MKX: variants seen among roughly 807,000 people sequenced by gnomAD.
The protein encoded by MKX is mohawk homeobox.
A neutral mutation model predicts 36.0 loss-of-function variants in MKX; 13 were observed. The ratio of observed to expected loss-of-function variants is 0.36; its 90% CI spans 0.24 to 0.57. The LOEUF is 0.57. MKX is among the 20% of genes least tolerant of loss of function. MKX has a pLI of 0.79. For missense variants in MKX, 458 were observed against 456.4 expected, an observed-to-expected ratio of 1.00 and a Z score of -0.03; for synonymous variants, 176 against 178.3, an observed-to-expected ratio of 0.99 and a Z score of 0.10.
At chr10:27,723,882 A>G (rs1834431636) in intron 5 of MKX, among the ~76,000 whole-genome samples, 1 of 152,144 alleles carries the variant, frequency 6.6e-6, no homozygotes, top group Non-Finnish European at 1.5e-5. Flanking sequence ...GTTCACCATC[A>G]CCTGAGACTG....
intron 5 of MKX, among the ~76,000 whole-genome samples, chr10:27,690,094 C>T (rs974646810): frequency 3.3e-5 from 5 of 152,168 alleles, no homozygotes; most frequent in Non-Finnish European, 7.4e-5. Flanking sequence ...ACAAGTCAGC[C>T]GGGTGTGGCG....
chr10:27,698,317 A>G (rs984709090), intron 5 of MKX, among the ~76,000 whole-genome samples: 2 of 152,148 alleles, frequency 1.3e-5, no homozygotes, highest in African/African-American at 4.8e-5. Flanking sequence ...TAATAGGATC[A>G]GATTTGGATG....
chr10:27,692,958 C>T (rs1836482002), intron 5 of MKX, among the ~76,000 whole-genome samples: 1 of 152,216 alleles, frequency 6.6e-6, no homozygotes, highest in Non-Finnish European at 1.5e-5. Flanking sequence ...ACCAAAACGA[C>T]TGAGGCAGAG....
rs552069572 is a variant in MKX, at chr10:27,686,517, C to T, written c.839-10963G>A. 6.2e-4 allele frequency among the ~76,000 whole-genome samples: 95 copies of T among 152,116 alleles called. 1 individual carries two copies. The highest frequency in any genetic ancestry group is 2.2e-3 in the African/African-American group (92 of 41,404). ...CTTCTGAGACAGTCTTGTTCTGTCA[C>T]CCAGGCTGGAGTGCAGTGGTGTGAT... On this transcript the variant is annotated intron_variant, in intron 5 of 6. Transcript: ENST00000419761.
chr10:27,715,018 A>C lies in MKX; in HGVS notation c.838+19438T>G, dbSNP rs549124354. ...CCTTTGGCATTCTGAGGCCACTCAG[A>C]TCTTTAGGCCATAGGAAGGAACTTG... On this transcript the variant is annotated intron_variant, in intron 5 of 6. Coordinates refer to ENST00000419761, the MANE Select transcript of MKX (RefSeq NM_173576.3). 4.6e-5 allele frequency among the ~76,000 whole-genome samples: 7 copies of C among 152,256 alleles called. No homozygotes were observed. In the South Asian group the frequency reaches 1.4e-3, roughly 32 times the overall value.
rs1836090488 is a variant in MKX, at chr10:27,673,713, G to A, written c.*1516C>T. 1 of 152,270 alleles carries A rather than the reference G, an allele frequency of 6.6e-6. No individual in the cohort carries two copies. The highest frequency in any genetic ancestry group is 1.5e-5 in the Non-Finnish European group (1 of 67,958). 9.4% of individuals were successfully genotyped at this position (152,270 alleles called of 1,614,324 possible). On this transcript the variant is annotated 3_prime_UTR_variant, in exon 7 of 7. Transcript: ENST00000419761. The stretch of plus-strand genomic sequence containing the variant: ...CACTAAATAAACCCAATCCCCAAAT[G>A]TTATGTTACATGAAAAAGTGTCCTA...
At position 27,743,312 on chromosome 10, in the gene MKX, T is replaced by C. The variant is rs770297238; in HGVS notation, c.104A>G (p.Asp35Gly). Residue 35 changes from aspartate to glycine, a missense_variant, in exon 2 of 7, where the codon GAC becomes GGC. Asp to Gly is a moderately conservative substitution (Grantham distance 94). Around this residue, in one of 3 missense-constraint regions of MKX, gnomAD observed 149 missense variants for 114.3 expected, o/e 1.30. Transcript: ENST00000419761. ...CACCTCGGGGCGGGCGTGAGGACTG[T>C]CCAGGACACCGCTGTAGGGCCGGCC... is the stretch of plus-strand genomic sequence containing the variant. ...RGGRPYSGVLDSPHARPEVGI... is the reference protein window; with the variant it reads ...RGGRPYSGVLGSPHARPEVGI... The C allele has an allele frequency of 6.3e-7, 1 of 1,584,904 alleles. No individual in the cohort carries two copies. The highest frequency in any genetic ancestry group is 8.6e-7 in the Non-Finnish European group (1 of 1,168,382).
chr10:27,742,539 G>A lies in MKX; in HGVS notation c.188+689C>T, dbSNP rs1834926814. Among the ~76,000 whole-genome samples the A allele has an allele frequency of 6.6e-6, 1 of 152,102 alleles. No individual in the cohort carries two copies. The highest frequency in any genetic ancestry group is 1.9e-4 in the East Asian group (1 of 5,130). The stretch of plus-strand genomic sequence containing the variant: ...GCCCCTCCCCGGCGGGGCGCCCGGG[G>A]AGCCGCCGGATCGGGCCAGGCAGAG... On this transcript the variant is annotated intron_variant, in intron 2 of 6. Transcript: ENST00000419761. This position sits in a 1 kb window ranked among gnomAD's most constrained non-coding sequence, Gnocchi z 4.2.
Position 27,721,678 on chromosome 10 carries a change from G to C in MKX, c.838+12778C>G, listed in dbSNP as rs1246698558. Among the ~76,000 whole-genome samples the C allele has an allele frequency of 2.0e-5, 3 of 152,108 alleles. No homozygotes were observed. In the East Asian group the frequency reaches 5.8e-4, roughly 29 times the overall value. ...AGGAAAAATAGCTAAAGCATGTTGG[G>C]CTTAATACCTAGGTGAGGGGTTGAC... On this transcript the variant is annotated intron_variant, in intron 5 of 6. Coordinates refer to ENST00000419761, the MANE Select transcript of MKX (RefSeq NM_173576.3).
intron 5 of MKX, among the ~76,000 whole-genome samples, chr10:27,726,714 ATT>A (rs3063191): frequency 6.9e-6 from 1 of 144,518 alleles, no homozygotes; most frequent in Admixed American, 6.8e-5. Flanking sequence ...TCATTGTTTA[ATT>A]TTTTTTTTTT....
chr10:27,731,839 A>G (rs2637306), intron 5 of MKX, among the ~76,000 whole-genome samples: 140,113 of 152,162 alleles, frequency 0.92, 64,521 homozygotes, highest in East Asian at 1. Context: ...TTTGAAAAGA[A>G]CATGCATTTT....
At chr10:27,689,285 T>G (rs1489651753) in intron 5 of MKX, among the ~76,000 whole-genome samples, 1 of 152,226 alleles carries the variant, frequency 6.6e-6, no homozygotes. Context: ...ACTGTTCATC[T>G]GCTGTATTTA....
chr10:27,728,535 G>A (rs141997644), intron 5 of MKX, among the ~76,000 whole-genome samples: 1 of 152,320 alleles, frequency 6.6e-6, no homozygotes, highest in African/African-American at 2.4e-5. Flanking sequence ...TCATGGAGTG[G>A]CTCTTAATTG....
rs949283728 is a variant in MKX, at chr10:27,741,996, G to A, written c.189-492C>T. On this transcript the variant is annotated intron_variant, in intron 2 of 6. Transcript: ENST00000419761. This position sits in a 1 kb window ranked among gnomAD's most constrained non-coding sequence, Gnocchi z 5.1. ...GGAAAGGTCGCCGACTGGACATAGG[G>A]AATAAAGCAAAGGAGCATTGCCGCC... Among the ~76,000 whole-genome samples, 2 of 152,188 alleles carry A rather than the reference G, an allele frequency of 1.3e-5. No individual in the cohort carries two copies. Among genetic ancestry groups the A allele is most frequent in the Admixed American group, 1.3e-4 (2 of 15,286 alleles).
intron 5 of MKX, among the ~76,000 whole-genome samples, chr10:27,678,498 A>G (rs1345441675): frequency 6.6e-6 from 1 of 152,250 alleles, no homozygotes; most frequent in East Asian, 1.9e-4. Flanking sequence ...TCTGGCTCCC[A>G]GATGAAGCCA....
At chr10:27,713,346 CATT>C (rs1836906250) in intron 5 of MKX, among the ~76,000 whole-genome samples, 1 of 152,188 alleles carries the variant, frequency 6.6e-6, no homozygotes, top group African/African-American at 2.4e-5. Flanking sequence ...GGTGGATGTG[CATT>C]TTTCTGAAGA....
intron 5 of MKX, among the ~76,000 whole-genome samples, chr10:27,716,680 CA>C (rs1027633493): frequency 1.1e-4 from 17 of 152,166 alleles, no homozygotes; most frequent in South Asian, 4.1e-4. Context: ...TAAAGCGGTA[CA>C]TTTTTTTGTA....
intron 5 of MKX, among the ~76,000 whole-genome samples, chr10:27,683,033 A>C (rs981865441): frequency 2.0e-5 from 3 of 152,072 alleles, no homozygotes; most frequent in African/African-American, 7.2e-5. Flanking sequence ...GCACAACTAC[A>C]TGCGCAGTTC....
intron 5 of MKX, among the ~76,000 whole-genome samples, chr10:27,695,255 TAGA>T (rs1220037140): frequency 6.6e-6 from 1 of 151,988 alleles, no homozygotes; most frequent in African/African-American, 2.4e-5. Flanking sequence ...CTACTGAACA[TAGA>T]AGGAGAAACG....
Sources: allele counts gnomAD v4.1 joint callset (sites outside exome capture counted in the v4.1 genomes callset), GRCh38; gene constraint gnomAD v4.1.1; regional missense constraint gnomAD v4.1.1; non-coding constraint Gnocchi (gnomAD v3.1); transcripts MANE v1.5; gene names NCBI Gene and HGNC (gene_info 2026-07-23, HGNC 2026-07-21).